The following CBLB variants were observed in gnomAD, a reference collection of about 807,000 sequenced individuals.
The protein encoded by CBLB is E3 ubiquitin-protein ligase CBL-B.
A neutral mutation model predicts 104.9 loss-of-function variants in CBLB; 31 were observed. The observed-to-expected ratio is 0.30, with a 90% CI of 0.22 to 0.40. CBLB has a LOEUF of 0.40. CBLB is among the 10% of genes least tolerant of loss of function. CBLB has a pLI of 1.00. For synonymous variants in CBLB, 440 were observed against 422.6 expected, an observed-to-expected ratio of 1.04 and a Z score of -0.51; for missense variants, 1,062 against 1,214.6, an observed-to-expected ratio of 0.87 and a Z score of 1.87.
intron 13 of CBLB, among the ~76,000 whole-genome samples, chr3:105,691,835 C>G (rs1176461800): frequency 1.3e-5 from 2 of 152,068 alleles, no homozygotes; most frequent in African/African-American, 2.4e-5. Flanking sequence ...AATTTCACAC[C>G]CTTGTTTTTT....
At chr3:105,749,985 T>C (rs1017775991) in intron 5 of CBLB, among the ~76,000 whole-genome samples, 1 of 152,080 alleles carries the variant, frequency 6.6e-6, no homozygotes, top group Non-Finnish European at 1.5e-5. Context: ...AGAATTATGA[T>C]TCTGTAATTG....
intron 4 of CBLB, among the ~76,000 whole-genome samples, chr3:105,760,824 C>A (rs1332542322): frequency 1.3e-5 from 2 of 152,008 alleles, no homozygotes; most frequent in Non-Finnish European, 2.9e-5. Context: ...TCAAAAAGTC[C>A]TTTTAATAAA....
At chr3:105,746,901 G>A (rs2076152160) in intron 5 of CBLB, among the ~76,000 whole-genome samples, 1 of 152,226 alleles carries the variant, frequency 6.6e-6, no homozygotes, top group African/African-American at 2.4e-5. Flanking sequence ...TGAACAGATA[G>A]ATCCTCTAAA....
At chr3:105,753,188 G>C (rs938609710) in intron 4 of CBLB, among the ~76,000 whole-genome samples, 3 of 152,066 alleles carry the variant, frequency 2.0e-5, no homozygotes, top group African/African-American at 7.2e-5. Context: ...GTATTTATAA[G>C]AGAGTTTAGG....
At chr3:105,756,958 A>C (rs890753194) in intron 4 of CBLB, among the ~76,000 whole-genome samples, 3 of 152,006 alleles carry the variant, frequency 2.0e-5, no homozygotes, top group African/African-American at 7.2e-5. Context: ...TTCTTACAAG[A>C]TCTGGTTGTT....
At chr3:105,837,941 A>G (rs1050292177) in intron 3 of CBLB, among the ~76,000 whole-genome samples, 1 of 152,150 alleles carries the variant, frequency 6.6e-6, no homozygotes, top group Non-Finnish European at 1.5e-5. Context: ...GGAATACATC[A>G]GGATTTTCAA....
chr3:105,675,400 T>C (rs867198394), intron 17 of CBLB, among the ~76,000 whole-genome samples: 26 of 152,352 alleles, frequency 1.7e-4, no homozygotes, highest in African/African-American at 6.0e-4. Flanking sequence ...ATGAATCTTT[T>C]ACATTTCTTT....
chr3:105,756,496 T>C (rs567401721), intron 4 of CBLB, among the ~76,000 whole-genome samples: 9 of 152,300 alleles, frequency 5.9e-5, no homozygotes, highest in Non-Finnish European at 1.2e-4. Flanking sequence ...TGTAACACTT[T>C]AATGGTAGAT....
chr3:105,766,607 A>G (rs1258343210), intron 4 of CBLB, among the ~76,000 whole-genome samples: 1 of 152,190 alleles, frequency 6.6e-6, no homozygotes, highest in Non-Finnish European at 1.5e-5. Context: ...CTGAAGGCTC[A>G]GCTGATTGTT....
chr3:105,659,205 G>A lies in CBLB; in HGVS notation c.2714C>T (p.Pro905Leu). 6.2e-7 allele frequency: 1 copy of A among 1,613,802 alleles called. No individual in the cohort carries two copies. The highest frequency in any genetic ancestry group is 8.5e-7 in the Non-Finnish European group (1 of 1,179,852). ...AGTCCTGCGCGGTCGTGGTTTAGGG[G>A]GTCTGGCTGGTGCCTGTGAACCATC... ...CSDGSQAPAR[P>L]PKPRPRRTAP... The change falls in exon 19 of 19, where the codon CCC (proline) becomes CTC (leucine). Residue 905 changes from proline to leucine, a missense_variant. Physicochemically the swap from Pro to Leu is moderately conservative, Grantham distance 98 (BLOSUM62 -3). Around this residue, in one of 2 missense-constraint regions of CBLB, gnomAD observed 605 missense variants for 582.6 expected, o/e 1.04. Transcript: ENST00000394030.
At chr3:105,681,994 A>G in intron 14 of CBLB, 176 bp from the exon 15 acceptor site, 1 of 594,460 alleles carries the variant, frequency 1.7e-6, no homozygotes, top group Non-Finnish European at 3.0e-6. Flanking sequence ...TTTAAAATGT[A>G]GAAGTAAATA....
chr3:105,793,475 A>G (rs1213169137), intron 3 of CBLB, among the ~76,000 whole-genome samples: 1 of 102,478 alleles, frequency 9.8e-6, no homozygotes, highest in Non-Finnish European at 2.0e-5. Flanking sequence ...GAGATGCTAA[A>G]ATGTTTAACA....
At chr3:105,771,925 T>TG (rs1254032015) in intron 4 of CBLB, among the ~76,000 whole-genome samples, 3 of 152,002 alleles carry the variant, frequency 2.0e-5, no homozygotes, top group Non-Finnish European at 2.9e-5. Flanking sequence ...TGCTCATGGA[T>TG]GGGAAGAATA....
At chr3:105,740,725 A>G (rs1202251021) in intron 6 of CBLB, 94 bp from the exon 7 acceptor site, 1 of 1,087,556 alleles carries the variant, frequency 9.2e-7, no homozygotes, top group African/African-American at 1.6e-5. Context: ...AAGAATAAAC[A>G]ATCATTTAGA....
At chr3:105,678,602 C>T (rs41314165) in intron 16 of CBLB, 31 bp from the exon 17 acceptor site, 29,003 of 1,600,106 alleles carry the variant, frequency 0.018, 291 homozygotes, top group Non-Finnish European at 0.021. Context: ...ATATCAGCAG[C>T]AGAACTTCAT....
chr3:105,862,700 C>T (rs1369082276), intron 2 of CBLB, among the ~76,000 whole-genome samples: 2 of 152,138 alleles, frequency 1.3e-5, no homozygotes, highest in Non-Finnish European at 2.9e-5. Flanking sequence ...CAATGGTTTT[C>T]TACCAAATAA....
chr3:105,763,237 T>C (rs1327850141), intron 4 of CBLB, among the ~76,000 whole-genome samples: 1 of 152,216 alleles, frequency 6.6e-6, no homozygotes, highest in Non-Finnish European at 1.5e-5. Flanking sequence ...GATAAGACTC[T>C]GGACTGTGGA....
chr3:105,869,024 G>A (rs1394936271), upstream of CBLB: 2 of 1,097,462 alleles, frequency 1.8e-6, no homozygotes, highest in African/African-American at 1.7e-5. Flanking sequence ...CCCCACCCCT[G>A]TGGCACACAC....
At position 105,745,997 on chromosome 3, in the gene CBLB, C is replaced by A; in HGVS notation, c.765G>T (p.Val255=). The stretch of plus-strand genomic sequence containing the variant: ...GAAATGCCATGTAACCTGGATGTGT[C>A]ACAGCTAAGAAATTCCAATTCCGCA... ...SILRNWNFLA[V]THPGYMAFLT... The change falls in exon 6 of 19, where the codon GTG becomes GTT. Residue 255 remains valine, a synonymous_variant. Coordinates refer to ENST00000394030, the MANE Select transcript of CBLB (RefSeq NM_170662.5). The A allele has an allele frequency of 1.9e-6, 3 of 1,610,948 alleles. No homozygotes were observed. Among genetic ancestry groups the A allele is most frequent in the South Asian group, 1.1e-5 (1 of 90,988 alleles).
Sources: allele counts gnomAD v4.1 joint callset (sites outside exome capture counted in the v4.1 genomes callset), GRCh38; gene constraint gnomAD v4.1.1; regional missense constraint gnomAD v4.1.1; transcripts MANE v1.5; gene names NCBI Gene and HGNC (gene_info 2026-07-23, HGNC 2026-07-21).